Variants in SVIL observed in about 807,000 individuals in gnomAD.
SVIL encodes the protein supervillin, also known as archvillin.
A neutral mutation model predicts 240.4 loss-of-function variants in SVIL; 101 were observed. That is an observed-to-expected ratio of 0.42 (90% confidence interval 0.36 to 0.50). The LOEUF (loss-of-function observed/expected upper bound fraction) is 0.50, where lower values mean the gene tolerates loss of function less well. SVIL is among the 20% of genes least tolerant of loss of function. SVIL has a pLI of 0.01. For missense variants in SVIL, 2,512 were observed against 2,818.7 expected (o/e 0.89, Z 2.46); for synonymous variants, 999 against 1,100.0 (o/e 0.91, Z 1.82).
chr10:29,613,156 CAG>C (rs1234315253), intron 1 of SVIL, among the ~76,000 whole-genome samples: 1 of 127,510 alleles, frequency 7.8e-6, no homozygotes, highest in African/African-American at 3.0e-5. Context: ...AGCCTGGTGA[CAG>C]AGAGACTCCA....
chr10:29,558,358 A>C (rs74129721), intron 3 of SVIL, among the ~76,000 whole-genome samples: 8,213 of 152,290 alleles, frequency 0.054, 274 homozygotes, highest in Admixed American at 0.11. Flanking sequence ...TGAGCTTATT[A>C]ATTCCTAGTG....
At chr10:29,586,674 C>T (rs1246019207) in intron 1 of SVIL, among the ~76,000 whole-genome samples, 1 of 152,160 alleles carries the variant, frequency 6.6e-6, no homozygotes, top group Non-Finnish European at 1.5e-5. Context: ...AAAAGGAAAA[C>T]ATTCCACATT....
intron 2 of SVIL, among the ~76,000 whole-genome samples, chr10:29,679,974 G>A (rs1335823407): frequency 6.6e-6 from 1 of 151,448 alleles, no homozygotes; most frequent in Non-Finnish European, 1.5e-5. Flanking sequence ...CTTGAGCCCA[G>A]GAGTTCGAGA....
chr10:29,598,043 T>C (rs995457801), intron 1 of SVIL, among the ~76,000 whole-genome samples: 1 of 152,106 alleles, frequency 6.6e-6, no homozygotes, highest in Non-Finnish European at 1.5e-5. Flanking sequence ...GTGGTGTATC[T>C]AAACCCAGTG....
chr10:29,509,379 G>GA (rs1949657675), intron 17 of SVIL, among the ~76,000 whole-genome samples: 3 of 135,676 alleles, frequency 2.2e-5, no homozygotes, highest in African/African-American at 2.9e-5. Flanking sequence ...GAGAGAGAGA[G>GA]AATACCCAAA....
intron 1 of SVIL, among the ~76,000 whole-genome samples, chr10:29,585,746 A>G (rs1437714463): frequency 2.6e-5 from 4 of 152,198 alleles, no homozygotes; most frequent in Non-Finnish European, 4.4e-5. Context: ...TGGTGCCCCA[A>G]GATCTCTGGA....
chr10:29,713,076 A>T (rs1242412750), intron 1 of SVIL, among the ~76,000 whole-genome samples: 3 of 151,932 alleles, frequency 2.0e-5, no homozygotes, highest in Non-Finnish European at 4.4e-5. Flanking sequence ...CTACTCAGGA[A>T]GCTGAGGTAG....
In SVIL at chr10:29,486,459, A is replaced by T. The variant is rs756242524; in HGVS notation, c.4584T>A (p.His1528Gln). 1.2e-6 allele frequency: 2 copies of T among 1,614,236 alleles called. No individual in the cohort carries two copies. Among genetic ancestry groups the T allele is most frequent in the South Asian group, 1.1e-5 (1 of 91,082 alleles). ...GAAGCTTCCAGAAGTCTTTGGCTGC[A>T]TGAGTGTGTGTATTAATTCCTTCTT... ...TIEEGINTHT[H>Q]AAKDFWKLLG... The change falls in exon 25 of 38, where the codon CAT becomes CAA. Residue 1528 changes from histidine to glutamine, a missense_variant. Physicochemically the swap from His to Gln is conservative, Grantham distance 24. Around this residue, in one of 3 missense-constraint regions of SVIL, gnomAD observed 797 missense variants for 925.3 expected, o/e 0.86. Coordinates refer to ENST00000355867, the MANE Select transcript of SVIL (RefSeq NM_021738.3).
chr10:29,492,955 T>C (rs1275909155), intron 21 of SVIL, among the ~76,000 whole-genome samples: 1 of 152,164 alleles, frequency 6.6e-6, no homozygotes, highest in Non-Finnish European at 1.5e-5. Flanking sequence ...GCCCTCTTTA[T>C]GGCACAGGAC....
chr10:29,617,853 C>T (rs1472793887), intron 1 of SVIL, among the ~76,000 whole-genome samples: 1 of 152,162 alleles, frequency 6.6e-6, no homozygotes, highest in East Asian at 1.9e-4. Context: ...CAATGCAGGC[C>T]AAATTTGACA....
intron 33 of SVIL, among the ~76,000 whole-genome samples, chr10:29,466,662 A>G (rs949772575): frequency 6.6e-6 from 1 of 152,230 alleles, no homozygotes; most frequent in Admixed American, 6.5e-5. Context: ...TTCACAGTAT[A>G]ACAGAATATC....
At chr10:29,586,230 A>G (rs1485491898) in intron 1 of SVIL, among the ~76,000 whole-genome samples, 1 of 152,218 alleles carries the variant, frequency 6.6e-6, no homozygotes, top group East Asian at 1.9e-4. Flanking sequence ...ATGCAATTTG[A>G]GGAGAGAAAT....
intron 1 of SVIL, among the ~76,000 whole-genome samples, chr10:29,617,452 G>A (rs1175296853): frequency 4.0e-5 from 6 of 151,866 alleles, no homozygotes; most frequent in African/African-American, 7.3e-5. Context: ...GTGGTGGTGC[G>A]CACCTGTAGT....
chr10:29,634,071 C>T lies in SVIL; in HGVS notation c.-201+349G>A, dbSNP rs1046209382. The stretch of plus-strand genomic sequence containing the variant: ...TACTTGTGCTACGATTATTAAAGTA[C>T]GTTGCATTGTGAATATACTTTAATT... On this transcript the variant is annotated intron_variant, in intron 1 of 37. Coordinates refer to ENST00000355867, the MANE Select transcript of SVIL (RefSeq NM_021738.3). Among the ~76,000 whole-genome samples the T allele has an allele frequency of 5.3e-5, 8 of 151,946 alleles. No homozygotes were observed. The South Asian group carries it at 6.2e-4, about 12-fold the overall frequency.
At chr10:29,594,704 G>A (rs975212778) in intron 1 of SVIL, among the ~76,000 whole-genome samples, 5 of 151,976 alleles carry the variant, frequency 3.3e-5, no homozygotes, top group African/African-American at 1.2e-4. Flanking sequence ...CTACAGGTGT[G>A]TGCCACCACA....
intron 17 of SVIL, among the ~76,000 whole-genome samples, chr10:29,509,664 C>A (rs566865652): frequency 1.3e-5 from 2 of 151,672 alleles, no homozygotes; most frequent in East Asian, 1.9e-4. Context: ...GCCTGACCTA[C>A]GTGGAGAAAC....
intron 16 of SVIL, among the ~76,000 whole-genome samples, chr10:29,518,302 C>T (rs150552646): frequency 0.011 from 1,681 of 152,204 alleles, 40 homozygotes; most frequent in African/African-American, 0.039. Flanking sequence ...GCAGGAGAAT[C>T]GCTTGAACCC....
Position 29,523,693 on chromosome 10 carries a change from G to A in SVIL, c.2921C>T (p.Ala974Val). ...GGCTCGGTTCAGGATGGGGTAGGAT[G>A]CTTCTGCTTCCTCAAAGGACCCATA... ...EKYGSFEEAE[A>V]SYPILNRARE... is the part of the protein sequence containing the mutation. The change falls in exon 15 of 38, where the codon GCA becomes GTA. Residue 974 changes from alanine to valine, a missense_variant. Physicochemically the swap from Ala to Val is moderately conservative, Grantham distance 64. This residue lies in a region of SVIL where 1,443 missense variants were observed against 1,486.6 expected (regional missense o/e 0.97). Transcript: ENST00000355867. 1 of 1,614,168 alleles carries A rather than the reference G, an allele frequency of 6.2e-7. No homozygotes were observed. Among genetic ancestry groups the A allele is most frequent in the Non-Finnish European group, 8.5e-7 (1 of 1,180,008 alleles).
intron 1 of SVIL, among the ~76,000 whole-genome samples, chr10:29,603,480 C>A (rs74903864): frequency 0.021 from 3,143 of 152,254 alleles, 90 homozygotes; most frequent in African/African-American, 0.065. Context: ...TGAGCAGATG[C>A]TTGAAATTTG....
Sources: gnomAD v4.1 joint callset for allele counts (sites outside exome capture counted in the v4.1 genomes callset) on GRCh38, gnomAD v4.1.1 for gene constraint, gnomAD v4.1.1 regional missense constraint, MANE v1.5 for transcripts, NCBI Gene and HGNC (gene_info 2026-07-23, HGNC 2026-07-21) for gene names.